Variants in STAT4 observed in about 807,000 individuals in gnomAD.
The protein encoded by STAT4 is signal transducer and activator of transcription 4.
A neutral mutation model predicts 110.5 loss-of-function variants in STAT4; 42 were observed. The ratio of observed to expected loss-of-function variants is 0.38; its 90% confidence interval spans 0.30 to 0.49. The LOEUF is 0.49. Among genes scored for constraint, STAT4 ranks in the 20% least tolerant of loss-of-function variants. The pLI is 0.95. For missense variants in STAT4, 632 were observed against 887.9 expected, an observed-to-expected ratio of 0.71 and a Z score of 3.66; for synonymous variants, 284 against 302.2, an observed-to-expected ratio of 0.94 and a Z score of 0.63.
In STAT4 at chr2:191,082,858, A is replaced by C. The variant is rs1320746301; in HGVS notation, c.274-6533T>G. ...CCTGAAACTTCACAATTAGGAATTC[A>C]CTCCTCTGAGTTCTTTTCCCAGTGG... is the stretch of plus-strand genomic sequence containing the variant. On this transcript the variant is annotated intron_variant, in intron 3 of 23. Transcript: ENST00000392320. This position sits in a 1 kb window ranked among gnomAD's most constrained non-coding sequence, Gnocchi z 4.7. Among the ~76,000 whole-genome samples, 12 of 152,088 alleles carry C rather than the reference A, an allele frequency of 7.9e-5. No homozygotes were observed. The highest frequency in any genetic ancestry group is 7.9e-4 in the Admixed American group (12 of 15,260).
intron 3 of STAT4, among the ~76,000 whole-genome samples, chr2:191,134,950 C>A (rs189261343): frequency 4.0e-5 from 6 of 151,522 alleles, no homozygotes; most frequent in African/African-American, 1.2e-4. Context: ...GAAATAAACA[C>A]CTACATAAAA....
chr2:191,126,687 T>C (rs1328853690), intron 3 of STAT4, among the ~76,000 whole-genome samples: 1 of 152,230 alleles, frequency 6.6e-6, no homozygotes, highest in African/African-American at 2.4e-5. Context: ...GCCAGCAGAT[T>C]CACATGCTGG....
In STAT4 at chr2:191,077,772, C is replaced by T. The variant is rs1697357095; in HGVS notation, c.274-1447G>A. The stretch of plus-strand genomic sequence containing the variant: ...CTATTTGTAAAACAAGAGTAAACAC[C>T]AACTATCTGAATTCCTGCTCTTACA... On this transcript the variant is annotated intron_variant, in intron 3 of 23. Transcript: ENST00000392320. The surrounding 1 kb of genome is among the most constrained non-coding windows in gnomAD (Gnocchi z 4.1). Among the ~76,000 whole-genome samples the T allele has an allele frequency of 6.6e-6, 1 of 151,886 alleles. No individual in the cohort carries two copies. Among genetic ancestry groups the T allele is most frequent in the African/African-American group, 2.4e-5 (1 of 41,356 alleles).
intron 3 of STAT4, among the ~76,000 whole-genome samples, chr2:191,093,159 G>C (rs1697852581): frequency 6.6e-6 from 1 of 152,222 alleles, no homozygotes; most frequent in Admixed American, 6.5e-5. Context: ...CTGCAGACTT[G>C]AACAACCCTG....
At chr2:191,054,687 C>T (rs1696627016) in intron 13 of STAT4, among the ~76,000 whole-genome samples, 153 bp from the exon 14 acceptor site, 1 of 152,176 alleles carries the variant, frequency 6.6e-6, no homozygotes, top group South Asian at 2.1e-4. Context: ...ACACAACTGC[C>T]CAGATTTGAC....
chr2:191,069,058 C>T (rs879875139), intron 6 of STAT4, among the ~76,000 whole-genome samples: 41 of 151,762 alleles, frequency 2.7e-4, no homozygotes, highest in Admixed American at 1.7e-3. Context: ...AAAAATAAAA[C>T]GTTAAATGCA....
intron 3 of STAT4, among the ~76,000 whole-genome samples, chr2:191,130,487 G>C (rs918252981): frequency 1.3e-5 from 2 of 151,622 alleles, no homozygotes; most frequent in Admixed American, 6.6e-5. Context: ...CTCCCAAAGT[G>C]CTGGGATTAC....
At position 191,083,327 on chromosome 2, in the gene STAT4, C is replaced by G. The variant is rs1697541056; in HGVS notation, c.274-7002G>C. On this transcript the variant is annotated intron_variant, in intron 3 of 23. Transcript: ENST00000392320. The surrounding 1 kb of genome is among the most constrained non-coding windows in gnomAD (Gnocchi z 4.6). The stretch of plus-strand genomic sequence containing the variant: ...GGTATGGAATATGTGACAGAGTTAT[C>G]TACTCAAGGACTTTGGGAACTGGAG... 6.6e-6 allele frequency among the ~76,000 whole-genome samples: 1 copy of G among 152,282 alleles called. No individual in the cohort carries two copies. The highest frequency in any genetic ancestry group is 1.9e-4 in the East Asian group (1 of 5,188).
At chr2:191,076,028 T>A (rs1697308337) in intron 4 of STAT4, 199 bp downstream of exon 4, 2 of 499,796 alleles carry the variant, frequency 4.0e-6, no homozygotes. Flanking sequence ...TTTTAATTTT[T>A]TTTTTTTTGG....
In STAT4 at chr2:191,099,583, CAA is replaced by C. The variant is rs146300852; in HGVS notation, c.274-23260_274-23259del. 0.014 allele frequency among the ~76,000 whole-genome samples: 2,090 copies of C among 152,088 alleles called. 45 individuals carry two copies. The highest frequency in any genetic ancestry group is 0.048 in the African/African-American group (1,982 of 41,492). Reference sequence around the variant, plus strand: ...AATAAAATTTCATTTTTGTAAATGACAAAATATTTCATCATTTACAAAATTTC... The same window carrying C: ...AATAAAATTTCATTTTTGTAAATGACAATATTTCATCATTTACAAAATTTC... On this transcript the variant is annotated intron_variant, in intron 3 of 23. Transcript: ENST00000392320. The surrounding 1 kb of genome is among the most constrained non-coding windows in gnomAD (Gnocchi z 4.1).
rs1259974799 is a variant in STAT4 at position 191,117,925 on chromosome 2, A to T, written c.273+28688T>A. On this transcript the variant is annotated intron_variant, in intron 3 of 23. Coordinates refer to ENST00000392320, the MANE Select transcript of STAT4 (RefSeq NM_003151.4). The surrounding 1 kb of genome is among the most constrained non-coding windows in gnomAD (Gnocchi z 5.2). ...TGTAATGAAACACAAACTGAGAAGG[A>T]TGTATCTATCTACACTGTTCAAGAG... Among the ~76,000 whole-genome samples the T allele has an allele frequency of 6.6e-6, 1 of 152,148 alleles. No homozygotes were observed. The highest frequency in any genetic ancestry group is 1.9e-4 in the East Asian group (1 of 5,196).
At chr2:191,071,566 T>C (rs1217555170) in intron 5 of STAT4, among the ~76,000 whole-genome samples, 1 of 152,188 alleles carries the variant, frequency 6.6e-6, no homozygotes, top group African/African-American at 2.4e-5. Flanking sequence ...GTCAATGCTA[T>C]GGTAAGTAAT....
chr2:191,067,135 C>T (rs1325292662), intron 6 of STAT4, among the ~76,000 whole-genome samples: 1 of 149,966 alleles, frequency 6.7e-6, no homozygotes, highest in Non-Finnish European at 1.5e-5. Flanking sequence ...AGAAAAATAT[C>T]TGACTGAAAA....
chr2:191,055,013 T>G (rs1464564127), intron 13 of STAT4, among the ~76,000 whole-genome samples: 1 of 152,108 alleles, frequency 6.6e-6, no homozygotes, highest in Non-Finnish European at 1.5e-5. Flanking sequence ...AAAATAAATG[T>G]GCATTGATGT....
chr2:191,052,980 AGCTCATCTTTGGTGAG>A (rs1463946342), intron 14 of STAT4, among the ~76,000 whole-genome samples: 7 of 152,196 alleles, frequency 4.6e-5, no homozygotes, highest in Non-Finnish European at 8.8e-5. Context: ...TGGAAGACTG[AGCTCATCTTTGGTGAG>A]GCTATGATGT....
At chr2:191,125,967 T>G (rs1250122793) in intron 3 of STAT4, among the ~76,000 whole-genome samples, 1 of 152,186 alleles carries the variant, frequency 6.6e-6, no homozygotes, top group Non-Finnish European at 1.5e-5. Context: ...AATGGATACA[T>G]TTGAAGTTAT....
In STAT4 at chr2:191,142,711, G is replaced by A. The variant is rs1699367784; in HGVS notation, c.273+3902C>T. The stretch of plus-strand genomic sequence containing the variant: ...CTATGCATGGAATAAAATATTTCAT[G>A]TACCCCATAAATATGTAAAGTATTG... On this transcript the variant is annotated intron_variant, in intron 3 of 23. Transcript: ENST00000392320. This position sits in a 1 kb window ranked among gnomAD's most constrained non-coding sequence, Gnocchi z 4.1. 6.6e-6 allele frequency among the ~76,000 whole-genome samples: 1 copy of A among 152,070 alleles called. No homozygotes were observed. Among genetic ancestry groups the A allele is most frequent in the Non-Finnish European group, 1.5e-5 (1 of 67,990 alleles).
At chr2:191,036,094 G>A in intron 17 of STAT4, 70 bp downstream of exon 17, 1 of 1,545,320 alleles carries the variant, frequency 6.5e-7, no homozygotes, top group African/African-American at 1.4e-5. Context: ...AGTAGTAATA[G>A]CGTCCTGGTT....
At chr2:191,137,119 G>T (rs1324006246) in intron 3 of STAT4, among the ~76,000 whole-genome samples, 1 of 152,158 alleles carries the variant, frequency 6.6e-6, no homozygotes, top group African/African-American at 2.4e-5. Flanking sequence ...AAGGTGGGCG[G>T]ATCACCTGAG....
Sources: gnomAD v4.1 joint callset for allele counts (sites outside exome capture counted in the v4.1 genomes callset) on GRCh38, gnomAD v4.1.1 for gene constraint, Gnocchi (gnomAD v3.1) non-coding constraint, MANE v1.5 for transcripts, NCBI Gene and HGNC (gene_info 2026-07-23, HGNC 2026-07-21) for gene names.